Variants in ZNF780B observed in about 807,000 individuals in gnomAD.
The protein encoded by ZNF780B is zinc finger protein 780B, also known as zinc finger protein 779.
ZNF780B carries 52 observed loss-of-function variants against 74.1 expected under a neutral mutation model. The ratio of observed to expected loss-of-function variants is 0.70; its 90% CI spans 0.56 to 0.88. The LOEUF is 0.88. Ranked by LOEUF, ZNF780B falls within the 40% of genes least tolerant of loss-of-function variation. ZNF780B has a pLI of 0.00. For missense variants in ZNF780B, 953 were observed against 1,007.6 expected (o/e 0.95, Z 0.73); for synonymous variants, 315 against 324.3 (o/e 0.97, Z 0.31).
rs1168546175 is a variant in ZNF780B at position 40,032,179 on chromosome 19, G to A, written c.*2178C>T. The A allele has an allele frequency of 4.9e-6, 2 of 411,842 alleles. No individual in the cohort carries two copies. Among genetic ancestry groups the A allele is most frequent in the African/African-American group, 2.1e-5 (1 of 47,906 alleles). 25.5% of individuals were successfully genotyped at this position (411,842 alleles called of 1,614,324 possible). The stretch of plus-strand genomic sequence containing the variant: ...ATGTCATTTTTTTAAAATGAGAAAT[G>A]TTCTAGACCAGTGGCTCTCTAACTC... On this transcript the variant is annotated 3_prime_UTR_variant, in exon 5 of 5. Coordinates refer to ENST00000434248, the MANE Select transcript of ZNF780B (RefSeq NM_001005851.3).
In ZNF780B at chr19:40,035,405, A is replaced by G; in HGVS notation, c.1454T>C (p.Leu485Pro). 1.2e-6 allele frequency: 2 copies of G among 1,614,082 alleles called. No homozygotes were observed. Among genetic ancestry groups the G allele is most frequent in the Non-Finnish European group, 1.7e-6 (2 of 1,179,990 alleles). The change falls in exon 5 of 5, where the codon CTG (leucine) becomes CCG (proline). Residue 485 changes from leucine to proline, a missense_variant. By Grantham distance (98) the Leu-to-Pro change is moderately conservative (BLOSUM62 -3). Coordinates refer to ENST00000434248, the MANE Select transcript of ZNF780B (RefSeq NM_001005851.3). The stretch of plus-strand genomic sequence containing the variant: ...GTTCTTATGTCGAGCAAGCTGTGTC[A>G]GAAGACTAAAGGCCTTTCCACATTC... ...CKECGKAFSL[L>P]TQLARHKNIH... is the part of the protein sequence containing the mutation.
intron 4 of ZNF780B, among the ~76,000 whole-genome samples, chr19:40,046,864 A>G (rs1269907761): frequency 2.0e-5 from 3 of 152,226 alleles, no homozygotes; most frequent in Non-Finnish European, 2.9e-5. Flanking sequence ...ACATGAATAC[A>G]TTTCTTAGTG....
At position 40,035,828 on chromosome 19, in the gene ZNF780B, A is replaced by C. The variant is rs747263685; in HGVS notation, c.1031T>G (p.Leu344Arg). ...ECKECRKAFTLLTKLVRHQKI... is the reference protein window; with the variant it reads ...ECKECRKAFTRLTKLVRHQKI... ...CTGATGTCGAACAAGCTTTGTCAGA[A>C]GAGTAAAGGCCTTTCTGCATTCTTT... Residue 344 changes from leucine to arginine, a missense_variant, in exon 5 of 5, where the codon CTT becomes CGT. Coordinates refer to ENST00000434248, the MANE Select transcript of ZNF780B (RefSeq NM_001005851.3). 1.9e-6 allele frequency: 3 copies of C among 1,614,098 alleles called. No individual in the cohort carries two copies. The highest frequency in any genetic ancestry group is 2.5e-6 in the Non-Finnish European group (3 of 1,180,018).
intron 4 of ZNF780B, 126 bp downstream of exon 4, chr19:40,047,249 A>G (rs2037841808): frequency 2.6e-6 from 2 of 777,726 alleles, no homozygotes; most frequent in Non-Finnish European, 4.4e-6. Flanking sequence ...ATTTTTGTCC[A>G]GTGGGGGACC....
Position 40,029,525 on chromosome 19 carries a change from T to C in ZNF780B, c.*4832A>G, listed in dbSNP as rs983016774. ...CAAGAGCAGATCATAGAAATGTAAG[T>C]TGAGAAAATTCAGAGGGAACTTCTG... On this transcript the variant is annotated 3_prime_UTR_variant, in exon 5 of 5. Transcript: ENST00000434248. 1.2e-4 allele frequency: 18 copies of C among 154,816 alleles called. No individual in the cohort carries two copies. Among genetic ancestry groups the C allele is most frequent in the Middle Eastern group, 5.1e-4 (1 of 1,946 alleles). The allele number at this position is 154,816 out of a possible 1,614,324, so 9.6% of individuals were successfully genotyped here.
In ZNF780B at chr19:40,034,767, C is replaced by T; in HGVS notation, c.2092G>A (p.Val698Ile). 9.9e-6 allele frequency: 16 copies of T among 1,613,912 alleles called. No individual in the cohort carries two copies. The highest frequency in any genetic ancestry group is 1.4e-5 in the Non-Finnish European group (16 of 1,179,938). The change falls in exon 5 of 5, where the codon GTA becomes ATA. Residue 698 changes from valine (V) to isoleucine (I), a missense_variant. By Grantham distance (29) the Val-to-Ile change is conservative (BLOSUM62 3). Coordinates refer to ENST00000434248, the MANE Select transcript of ZNF780B (RefSeq NM_001005851.3). ...QKTHSSAKPF[V>I]CKECRKTFRY... ...AAGGTCTTCCTACACTCCTTACATA[C>T]AAAGGGTTTCGCACTGGAATGAGTT...
intron 4 of ZNF780B, among the ~76,000 whole-genome samples, chr19:40,043,076 T>G (rs1312425867): frequency 2.0e-5 from 3 of 152,148 alleles, no homozygotes; most frequent in Admixed American, 6.5e-5. Context: ...ACAGATGGGT[T>G]TTTGGTGTGG....
intron 1 of ZNF780B, among the ~76,000 whole-genome samples, chr19:40,054,744 C>T (rs1404624407): frequency 6.6e-6 from 1 of 152,176 alleles, no homozygotes; most frequent in Non-Finnish European, 1.5e-5. Flanking sequence ...TTAATTCATT[C>T]TAATGTTCAT....
In ZNF780B at chr19:40,034,492, A is replaced by G. The variant is rs775236627; in HGVS notation, c.2367T>C (p.Ala789=). ...GAGAAAGTTGTAGGTGAAGTCTAAA[A>G]GCCTTCCCACACTCCTTACATTCAT... ...KPYECKECGK[A]FRLHLQLSLH... is the part of the protein sequence containing the mutation. The change falls in exon 5 of 5, where the codon GCT becomes GCC. Residue 789 remains alanine (A), a synonymous_variant. Transcript: ENST00000434248. 1.7e-5 allele frequency: 27 copies of G among 1,612,674 alleles called. No homozygotes were observed. The East Asian group carries it at 5.8e-4, about 35-fold the overall frequency.
intron 1 of ZNF780B, among the ~76,000 whole-genome samples, chr19:40,053,688 A>G (rs1973344261): frequency 6.6e-6 from 1 of 152,232 alleles, no homozygotes; most frequent in Non-Finnish European, 1.5e-5. Flanking sequence ...GATAAAGAAA[A>G]TGTGGTATAT....
chr19:40,048,182 T>C (rs1973024313), intron 3 of ZNF780B, among the ~76,000 whole-genome samples: 1 of 152,212 alleles, frequency 6.6e-6, no homozygotes, highest in Non-Finnish European at 1.5e-5. Context: ...TCTTGCTCTG[T>C]TGCCCAGGCT....
chr19:40,049,054 T>G, intron 2 of ZNF780B: 3 of 354,318 alleles, frequency 8.5e-6, no homozygotes, highest in Non-Finnish European at 1.0e-5. Context: ...CGAGATGCAC[T>G]CCCTGGAAAA....
intron 2 of ZNF780B, 49 bp downstream of exon 2, chr19:40,050,275 C>T: frequency 1.3e-6 from 2 of 1,574,622 alleles, no homozygotes; most frequent in Non-Finnish European, 8.6e-7. Context: ...AGTCACCTAA[C>T]CTAACCTGAA....
Position 40,036,241 on chromosome 19 carries a change from T to C in ZNF780B, c.618A>G (p.Ile206Met), listed in dbSNP as rs1972303632. ...KECGKAFQLH[I>M]QLTRHQKFHT... is the part of the protein sequence containing the mutation. The stretch of plus-strand genomic sequence containing the variant: ...GAAATTTCTGATGTCGAGTAAGTTG[T>C]ATGTGAAGTTGAAAGGCTTTCCCAC... The change falls in exon 5 of 5, where the codon ATA (isoleucine) becomes ATG (methionine). Residue 206 changes from isoleucine to methionine, a missense_variant. Ile to Met is a conservative substitution (Grantham distance 10). Transcript: ENST00000434248. The C allele has an allele frequency of 6.2e-7, 1 of 1,612,118 alleles. No homozygotes were observed. The highest frequency in any genetic ancestry group is 1.7e-5 in the Admixed American group (1 of 59,664).
Position 40,031,054 on chromosome 19 carries a change from T to C in ZNF780B, c.*3303A>G, listed in dbSNP as rs1472497931. 2 of 152,190 alleles carry C rather than the reference T, an allele frequency of 1.3e-5. No homozygotes were observed. Among genetic ancestry groups the C allele is most frequent in the African/African-American group, 4.8e-5 (2 of 41,438 alleles). The allele number at this position is 152,190 out of a possible 1,614,324, so 9.4% of individuals were successfully genotyped here. ...GTAAAAGATAGAATTAAGTAGTCTA[T>C]TGAAAGAATAATCATCTGACCAGGG... On this transcript the variant is annotated 3_prime_UTR_variant, in exon 5 of 5. Coordinates refer to ENST00000434248, the MANE Select transcript of ZNF780B (RefSeq NM_001005851.3).
chr19:40,038,949 C>A (rs1248957422), intron 4 of ZNF780B, among the ~76,000 whole-genome samples: 1 of 151,782 alleles, frequency 6.6e-6, no homozygotes, highest in Admixed American at 6.6e-5. Flanking sequence ...GCTTTTGTTG[C>A]CATTGCTTTT....
At chr19:40,054,255 A>C (rs1020749990) in intron 1 of ZNF780B, among the ~76,000 whole-genome samples, 1 of 152,152 alleles carries the variant, frequency 6.6e-6, no homozygotes, top group Non-Finnish European at 1.5e-5. Flanking sequence ...TTGGCTGGGG[A>C]AATGTTGGTC....
At chr19:40,048,905 G>A (rs140421012) in intron 2 of ZNF780B, 109 bp from the exon 3 acceptor site, 40 of 1,510,134 alleles carry the variant, frequency 2.6e-5, no homozygotes, top group Admixed American at 3.8e-5. Context: ...ATGGAAAATC[G>A]CAGAGTGCCT....
intron 4 of ZNF780B, among the ~76,000 whole-genome samples, chr19:40,041,805 C>T (rs1972655786): frequency 6.6e-6 from 1 of 152,126 alleles, no homozygotes. Flanking sequence ...TGTGTCTCTG[C>T]ATGTGAGGTG....
Sources: gnomAD v4.1 joint callset for allele counts (sites outside exome capture counted in the v4.1 genomes callset) on GRCh38, gnomAD v4.1.1 for gene constraint, MANE v1.5 for transcripts, NCBI Gene and HGNC (gene_info 2026-07-23, HGNC 2026-07-21) for gene names.